ITPKB: variants seen among roughly 807,000 people sequenced by gnomAD.
ITPKB encodes the protein inositol-trisphosphate 3-kinase B.
Under a neutral mutation model 69.4 loss-of-function variants are expected in ITPKB, and 13 were observed. That is an observed-to-expected ratio of 0.19 (90% CI 0.12 to 0.30). The LOEUF is 0.30. Ranked by LOEUF, ITPKB falls within the 10% of genes least tolerant of loss-of-function variation. ITPKB has a pLI of 1.00. For missense variants in ITPKB, 1,240 were observed against 1,250.5 expected (o/e 0.99, Z 0.13); for synonymous variants, 584 against 513.7 (o/e 1.14, Z -1.85).
intron 2 of ITPKB, among the ~76,000 whole-genome samples, chr1:226,650,958 G>A (rs975315307): frequency 6.6e-6 from 1 of 152,210 alleles, no homozygotes; most frequent in South Asian, 2.1e-4. Context: ...AGGAAGACTA[G>A]AGAGGGCTAC....
intron 2 of ITPKB, among the ~76,000 whole-genome samples, chr1:226,663,202 A>C (rs1669434032): frequency 6.6e-6 from 1 of 152,156 alleles, no homozygotes; most frequent in Admixed American, 6.5e-5. Context: ...ATCTCTGTCA[A>C]CCAGGCCCTG....
chr1:226,643,678 A>G (rs906679418), intron 4 of ITPKB, among the ~76,000 whole-genome samples: 3 of 152,260 alleles, frequency 2.0e-5, no homozygotes, highest in African/African-American at 7.2e-5. Flanking sequence ...AAGGGAAGAA[A>G]AAAACAAATC....
intron 2 of ITPKB, among the ~76,000 whole-genome samples, chr1:226,734,852 T>A (rs1299026232): frequency 6.6e-6 from 1 of 152,240 alleles, no homozygotes; most frequent in Non-Finnish European, 1.5e-5. Flanking sequence ...CAGGTGCCTA[T>A]GATACTGAAG....
At chr1:226,710,297 CAG>C (rs777580020) in intron 2 of ITPKB, among the ~76,000 whole-genome samples, 1 of 152,148 alleles carries the variant, frequency 6.6e-6, no homozygotes, top group Non-Finnish European at 1.5e-5. Context: ...AGAAAATAAA[CAG>C]AAACTGCAGA....
intron 2 of ITPKB, among the ~76,000 whole-genome samples, chr1:226,716,616 A>T (rs568644037): frequency 2.5e-4 from 38 of 152,260 alleles, no homozygotes; most frequent in Admixed American, 8.5e-4. Context: ...AGTTTTTTTT[A>T]AAAAATCTGT....
chr1:226,660,246 C>T (rs535322148), intron 2 of ITPKB, among the ~76,000 whole-genome samples: 5 of 152,204 alleles, frequency 3.3e-5, no homozygotes, highest in African/African-American at 1.2e-4. Context: ...GACATCTCTT[C>T]GTGGGCATCC....
In ITPKB at chr1:226,641,748, T is replaced by A. The variant is rs1168637461; in HGVS notation, c.2451+173A>T. Among the ~76,000 whole-genome samples, 2 of 152,260 alleles carry A rather than the reference T, an allele frequency of 1.3e-5. No homozygotes were observed. Among genetic ancestry groups the A allele is most frequent in the African/African-American group, 4.8e-5 (2 of 41,480 alleles). ...GAGGCCTGAGCCCCCTACACAGCCATCCCGCCTGAGGAATAGGCTGATGTC... is the reference window on the plus strand; with the variant it reads ...GAGGCCTGAGCCCCCTACACAGCCAACCCGCCTGAGGAATAGGCTGATGTC... On this transcript the variant is annotated intron_variant, in intron 5 of 7. Transcript: ENST00000429204. This position sits in a 1 kb window ranked among gnomAD's most constrained non-coding sequence, Gnocchi z 4.6.
chr1:226,653,394 G>A (rs565913192), intron 2 of ITPKB, among the ~76,000 whole-genome samples: 5 of 152,326 alleles, frequency 3.3e-5, no homozygotes, highest in African/African-American at 7.2e-5. Flanking sequence ...CCTCCAGGGC[G>A]GTTCCCCTGG....
intron 2 of ITPKB, among the ~76,000 whole-genome samples, chr1:226,667,568 A>G (rs1194938385): frequency 3.3e-5 from 5 of 152,166 alleles, no homozygotes; most frequent in Non-Finnish European, 7.3e-5. Flanking sequence ...GAGCTCTGGA[A>G]CCAGGACCCA....
intron 6 of ITPKB, among the ~76,000 whole-genome samples, chr1:226,639,124 C>G (rs1334444206): frequency 6.9e-6 from 1 of 144,794 alleles, no homozygotes; most frequent in Non-Finnish European, 1.5e-5. Context: ...ATGGCAAAAT[C>G]TCAGCTCACT....
rs768759820 is a variant in ITPKB at position 226,736,745 on chromosome 1, G to A, written c.714C>T (p.Pro238=). 6.2e-7 allele frequency: 1 copy of A among 1,612,818 alleles called. No individual in the cohort carries two copies. Among genetic ancestry groups the A allele is most frequent in the Non-Finnish European group, 8.5e-7 (1 of 1,179,802 alleles). The change falls in exon 2 of 8, where the codon CCC becomes CCT. Residue 238 remains proline (P), a synonymous_variant. Coordinates refer to ENST00000429204, the MANE Select transcript of ITPKB (RefSeq NM_002221.4). ...CTGATCCTGTAGGGGCAGCCCGGCC[G>A]GGAAGAGGTGGCATTCCTTTCTTCA... The part of the protein sequence containing the change: ...SQVKKGMPPL[P]GRAAPTGSEA...
chr1:226,676,115 CAT>C (rs1385802566), intron 2 of ITPKB: 1 of 152,204 alleles, frequency 6.6e-6, no homozygotes, highest in Non-Finnish European at 1.5e-5. Context: ...TGTTCTGAGT[CAT>C]ATTTTCCATT....
chr1:226,664,731 A>T (rs1193174089), intron 2 of ITPKB, among the ~76,000 whole-genome samples: 1 of 152,252 alleles, frequency 6.6e-6, no homozygotes, highest in Non-Finnish European at 1.5e-5. Flanking sequence ...GGCAGTCGTC[A>T]TTTGAATCTT....
intron 2 of ITPKB, among the ~76,000 whole-genome samples, chr1:226,656,363 G>A (rs540025749): frequency 7.2e-5 from 11 of 152,318 alleles, no homozygotes; most frequent in African/African-American, 2.4e-4. Context: ...CCCATCTGGA[G>A]CCCGGTCAGA....
intron 2 of ITPKB, among the ~76,000 whole-genome samples, chr1:226,658,570 A>G (rs1479411573): frequency 6.6e-6 from 1 of 152,200 alleles, no homozygotes; most frequent in South Asian, 2.1e-4. Context: ...CCCCTTTAAC[A>G]AACAAGAAAA....
At chr1:226,702,659 A>ATT in intron 2 of ITPKB, among the ~76,000 whole-genome samples, 1 of 152,212 alleles carries the variant, frequency 6.6e-6, no homozygotes, top group Non-Finnish European at 1.5e-5. Context: ...AACTACTGGT[A>ATT]TTCTCTTTAT....
intron 2 of ITPKB, among the ~76,000 whole-genome samples, chr1:226,713,047 T>C (rs1467811767): frequency 6.6e-6 from 1 of 151,810 alleles, no homozygotes; most frequent in Non-Finnish European, 1.5e-5. Context: ...CACTTACCCA[T>C]ATACACACAT....
chr1:226,645,005 T>C (rs1057243741), intron 4 of ITPKB, among the ~76,000 whole-genome samples: 1 of 152,166 alleles, frequency 6.6e-6, no homozygotes, highest in African/African-American at 2.4e-5. Flanking sequence ...GGGGCCTGAT[T>C]TGCAGTCAAG....
rs149134691 is a variant in ITPKB at position 226,726,430 on chromosome 1, G to A, written c.1932+9097C>T. ...TCCCAACACTTTGGGAGGCCAAGGC[G>A]GATTGGGAGGCCAAGGTGGAAGGAT... On this transcript the variant is annotated intron_variant, in intron 2 of 7. Transcript: ENST00000429204. 2.6e-3 allele frequency among the ~76,000 whole-genome samples: 400 copies of A among 152,296 alleles called. 3 individuals are homozygous for A. The highest frequency in any genetic ancestry group is 8.3e-3 in the African/African-American group (345 of 41,568).
Sources: gnomAD v4.1 joint callset for allele counts (sites outside exome capture counted in the v4.1 genomes callset) on GRCh38, gnomAD v4.1.1 for gene constraint, Gnocchi (gnomAD v3.1) non-coding constraint, MANE v1.5 for transcripts, NCBI Gene and HGNC (gene_info 2026-07-23, HGNC 2026-07-21) for gene names.